SRFBP1: variants seen among roughly 807,000 people sequenced by gnomAD.
SRFBP1 encodes the protein serum response factor-binding protein 1.
In SRFBP1, 47 loss-of-function variants were observed where a neutral mutation model predicts 45.5. The ratio of observed to expected loss-of-function variants is 1.03; its 90% CI spans 0.82 to 1.32. SRFBP1 has a LOEUF of 1.32. Among genes scored for constraint, SRFBP1 ranks in the 40% most tolerant of loss-of-function variants. SRFBP1 has a pLI of 0.00. For missense variants in SRFBP1, 621 were observed against 484.6 expected (o/e 1.28, Z -2.64); for synonymous variants, 203 against 166.3 (o/e 1.22, Z -1.70).
At chr5:121,962,316 G>C (rs912459914) in intron 1 of SRFBP1, among the ~76,000 whole-genome samples, 1 of 152,192 alleles carries the variant, frequency 6.6e-6, no homozygotes, top group Non-Finnish European at 1.5e-5. Flanking sequence ...AGAACCTTTA[G>C]CCTGTACGTT....
intron 3 of SRFBP1, 89 bp from the exon 4 acceptor site, chr5:121,994,510 A>G (rs1752679078): frequency 6.4e-6 from 5 of 786,548 alleles, no homozygotes; most frequent in Non-Finnish European, 8.2e-6. Context: ...GTTATTTAAT[A>G]TTAAGTTTCT....
intron 2 of SRFBP1, among the ~76,000 whole-genome samples, chr5:122,074,549 A>G (rs1754557468): frequency 6.6e-6 from 1 of 152,218 alleles, no homozygotes; most frequent in Non-Finnish European, 1.5e-5. Flanking sequence ...AAAGCAGCAC[A>G]TGACTTTTTC....
chr5:121,978,606 C>T (rs998089772), intron 3 of SRFBP1, among the ~76,000 whole-genome samples: 1 of 152,132 alleles, frequency 6.6e-6, no homozygotes, highest in African/African-American at 2.4e-5. Context: ...ATTCTCCTGC[C>T]ACAGTCTCCT....
chr5:122,037,608 ATCC>A (rs1391873885), intron 2 of SRFBP1, among the ~76,000 whole-genome samples: 2 of 152,098 alleles, frequency 1.3e-5, no homozygotes, highest in Admixed American at 1.3e-4. Flanking sequence ...GACTCAAGGA[ATCC>A]TCCTAAGTAG....
rs1003500457 is a variant in SRFBP1, at chr5:122,035,038, G to T, written n.311+12631G>T. Among the ~76,000 whole-genome samples, 23 of 148,750 alleles carry T rather than the reference G, an allele frequency of 1.5e-4. No homozygotes were observed. The East Asian group carries it at 3.5e-3, about 23-fold the overall frequency. On this transcript the variant is annotated intron_variant and non_coding_transcript_variant, in intron 2 of 2. Coordinates refer to the SRFBP1 transcript ENST00000504881. ...TTTCTGTCCCTTTCCAGGGATACAG[G>T]TTTTTTTTTTGTTGTTGTTGTTGTT...
At chr5:122,056,653 C>G (rs944547050) in intron 2 of SRFBP1, among the ~76,000 whole-genome samples, 4 of 152,064 alleles carry the variant, frequency 2.6e-5, no homozygotes, top group African/African-American at 9.7e-5. Flanking sequence ...AAATTAAGGT[C>G]CTAATTTTGT....
chr5:121,991,911 T>G (rs1297553020), intron 3 of SRFBP1, among the ~76,000 whole-genome samples: 1 of 152,174 alleles, frequency 6.6e-6, no homozygotes, highest in Non-Finnish European at 1.5e-5. Context: ...TACAAAAAGT[T>G]TAAGCCATCC....
At position 122,028,495 on chromosome 5, in the gene SRFBP1, T is replaced by C. The variant is rs1753535084; in HGVS notation, c.*1369T>C. 6.6e-6 allele frequency: 1 copy of C among 151,962 alleles called. No individual in the cohort carries two copies. Among genetic ancestry groups the C allele is most frequent in the Non-Finnish European group, 1.5e-5 (1 of 68,040 alleles). The allele number at this position is 151,962 out of a possible 1,614,324, so 9.4% of individuals were successfully genotyped here. On this transcript the variant is annotated 3_prime_UTR_variant, in exon 8 of 8. Coordinates refer to ENST00000339397, the MANE Select transcript of SRFBP1 (RefSeq NM_152546.3). ...GGTGGCCGGCATCTGTAATTCCAGC[T>C]ACTCAGAAGGCTGAGGCATAAGAAT...
chr5:122,000,749 GT>G lies in SRFBP1; in HGVS notation c.270+6085del, dbSNP rs201057914. On this transcript the variant is annotated intron_variant, in intron 4 of 7. Transcript: ENST00000339397. Reference sequence around the variant, plus strand: ...AATTTGCTATTTGTCCATCTTTTTTGTTTTTTGCTCTTTCTGGTTCTCTAAC... The same window carrying G: ...AATTTGCTATTTGTCCATCTTTTTTGTTTTTGCTCTTTCTGGTTCTCTAAC... Among the ~76,000 whole-genome samples the G allele has an allele frequency of 2.8e-3, 431 of 151,904 alleles. 5 individuals are homozygous for G. The highest frequency in any genetic ancestry group is 9.8e-3 in the African/African-American group (407 of 41,440).
At position 121,989,055 on chromosome 5, in the gene SRFBP1, ATTTGTTTG is replaced by A. The variant is rs140803937; in HGVS notation, c.199-5523_199-5516del. Among the ~76,000 whole-genome samples, 155 of 151,130 alleles carry A rather than the reference ATTTGTTTG, an allele frequency of 1.0e-3. 4 individuals are homozygous for A. In the South Asian group the frequency reaches 0.022, roughly 22 times the overall value. ...TTATCTGAAAAAAAAAGATATTGGA[ATTTGTTTG>A]TTTGTTTGTTTGTTTGTTTGAGCCG... is the stretch of plus-strand genomic sequence containing the variant. On this transcript the variant is annotated intron_variant, in intron 3 of 7. Transcript: ENST00000339397.
chr5:121,992,377 C>G (rs920628142), intron 3 of SRFBP1, among the ~76,000 whole-genome samples: 1 of 151,884 alleles, frequency 6.6e-6, no homozygotes, highest in South Asian at 2.1e-4. Context: ...CCCACACTTT[C>G]GTTTTTTTGT....
intron 4 of SRFBP1, among the ~76,000 whole-genome samples, chr5:122,012,455 C>A (rs1580525543): frequency 6.6e-6 from 1 of 152,076 alleles, no homozygotes; most frequent in East Asian, 1.9e-4. Context: ...GAATGGAAAA[C>A]TAAATTTAGT....
At chr5:122,022,320 A>T in intron 6 of SRFBP1, 50 bp from the exon 7 acceptor site, 1 of 1,503,708 alleles carries the variant, frequency 6.7e-7, no homozygotes, top group Non-Finnish European at 9.1e-7. Context: ...TTTTCTTAAG[A>T]TCAGAGGATT....
chr5:122,071,181 G>A (rs923103836), intron 2 of SRFBP1, among the ~76,000 whole-genome samples: 3 of 141,540 alleles, frequency 2.1e-5, no homozygotes, highest in Admixed American at 7.0e-5. Context: ...AGGAACAATC[G>A]TAAACATTTA....
intron 2 of SRFBP1, among the ~76,000 whole-genome samples, chr5:122,052,427 G>A (rs1388695315): frequency 1.3e-5 from 2 of 152,054 alleles, no homozygotes; most frequent in Non-Finnish European, 2.9e-5. Flanking sequence ...TATATTTCTT[G>A]GAGGTTTTGC....
At chr5:121,998,431 C>T (rs1426791398) in intron 4 of SRFBP1, among the ~76,000 whole-genome samples, 5 of 141,328 alleles carry the variant, frequency 3.5e-5, no homozygotes, top group East Asian at 4.3e-4. Context: ...AACCAAACAC[C>T]GCATATTCTC....
At chr5:122,074,572 A>G (rs1483760878) in intron 2 of SRFBP1, among the ~76,000 whole-genome samples, 1 of 152,216 alleles carries the variant, frequency 6.6e-6, no homozygotes, top group African/African-American at 2.4e-5. Context: ...GGTTTCTATG[A>G]GATTTTAAAA....
At chr5:121,976,990 T>C (rs1752315189) in intron 3 of SRFBP1, among the ~76,000 whole-genome samples, 1 of 151,994 alleles carries the variant, frequency 6.6e-6, no homozygotes, top group South Asian at 2.1e-4. Flanking sequence ...TTTAGAATAC[T>C]TCCCTTTTGT....
downstream of SRFBP1, among the ~76,000 whole-genome samples, chr5:122,032,509 T>C (rs911988908): frequency 1.3e-5 from 2 of 152,198 alleles, no homozygotes; most frequent in Non-Finnish European, 2.9e-5. Context: ...TTCTTTCTTA[T>C]GCAAAAATTA....
Sources: allele counts gnomAD v4.1 joint callset (sites outside exome capture counted in the v4.1 genomes callset), GRCh38; gene constraint gnomAD v4.1.1; transcripts MANE v1.5; gene names NCBI Gene and HGNC (gene_info 2026-07-23, HGNC 2026-07-21).